XYLT1: variants seen among roughly 807,000 people sequenced by gnomAD.
XYLT1 encodes xylosyltransferase 1, also known as beta-D-xylosyltransferase 1.
XYLT1 carries 36 observed loss-of-function variants against 91.3 expected under a neutral mutation model. That is an observed-to-expected ratio of 0.39 (90% confidence interval 0.30 to 0.52). XYLT1 has a LOEUF of 0.52. Among genes scored for constraint, XYLT1 ranks in the 20% least tolerant of loss-of-function variants. The pLI is 0.68. For synonymous variants in XYLT1, 588 were observed against 532.0 expected, an observed-to-expected ratio of 1.11 and a Z score of -1.45; for missense variants, 1,242 against 1,284.5, an observed-to-expected ratio of 0.97 and a Z score of 0.51.
chr16:17,322,847 G>A (rs1486286210), intron 2 of XYLT1, among the ~76,000 whole-genome samples: 2 of 152,194 alleles, frequency 1.3e-5, no homozygotes, highest in African/African-American at 2.4e-5. Flanking sequence ...TAGACTCCAT[G>A]CAGACAGGAA....
chr16:17,127,744 C>T lies in XYLT1; in HGVS notation c.2145G>A (p.Leu715=), dbSNP rs755578526. ...TNLAVSKLET[L]ETWVMPKKVF... ...CTTTTTTCGGCATCACCCAGGTCTCCAGAGTCTCTAGTTTGCTCACAGCCA... is the reference window on the plus strand; with the variant it reads ...CTTTTTTCGGCATCACCCAGGTCTCTAGAGTCTCTAGTTTGCTCACAGCCA... The change falls in exon 10 of 12, where the codon CTG becomes CTA. Residue 715 remains leucine (L), a synonymous_variant. Transcript: ENST00000261381. The T allele has an allele frequency of 7.4e-6, 12 of 1,614,204 alleles. 1 individual carries two copies. The East Asian group carries it at 1.8e-4, about 24-fold the overall frequency.
chr16:17,445,476 C>T (rs1349931523), intron 1 of XYLT1, among the ~76,000 whole-genome samples: 3 of 152,228 alleles, frequency 2.0e-5, no homozygotes, highest in Admixed American at 6.5e-5. Context: ...AAGAAGTCAC[C>T]AGAAAGGAAG....
chr16:17,402,376 G>A (rs1041009358), intron 1 of XYLT1, among the ~76,000 whole-genome samples: 7 of 152,116 alleles, frequency 4.6e-5, no homozygotes, highest in South Asian at 2.1e-4. Context: ...TGAAAAAGAC[G>A]AAGTGTACAC....
At chr16:17,219,831 C>T (rs2032934168) in intron 3 of XYLT1, among the ~76,000 whole-genome samples, 1 of 152,026 alleles carries the variant, frequency 6.6e-6, no homozygotes, top group Admixed American at 6.6e-5. Context: ...GAGTTCGAGA[C>T]CAGCCTGATC....
chr16:17,465,143 C>CAAAAAAAA (rs35623153), intron 1 of XYLT1, among the ~76,000 whole-genome samples: 1 of 35,866 alleles, frequency 2.8e-5, no homozygotes, highest in Non-Finnish European at 4.5e-5. Context: ...GATGCTGTCT[C>CAAAAAAAA]AAAAAAAAAA....
chr16:17,264,592 C>A (rs761095583), intron 2 of XYLT1, among the ~76,000 whole-genome samples: 10 of 152,128 alleles, frequency 6.6e-5, no homozygotes, highest in Non-Finnish European at 1.3e-4. Flanking sequence ...AAAGCCAAAC[C>A]CAGGATCCCT....
At chr16:17,320,646 A>AT (rs199636999) in intron 2 of XYLT1, among the ~76,000 whole-genome samples, 2,182 of 151,054 alleles carry the variant, frequency 0.014, 56 homozygotes, top group African/African-American at 0.051. Context: ...CACCCAGCTA[A>AT]TTTTTTTGTA....
intron 2 of XYLT1, among the ~76,000 whole-genome samples, chr16:17,262,142 G>A (rs569277342): frequency 1.3e-5 from 2 of 152,122 alleles, no homozygotes; most frequent in African/African-American, 2.4e-5. Flanking sequence ...CTGACAATTG[G>A]ATGTATTTAT....
intron 2 of XYLT1, among the ~76,000 whole-genome samples, chr16:17,349,105 G>T (rs1018014828): frequency 6.6e-6 from 1 of 152,176 alleles, no homozygotes; most frequent in South Asian, 2.1e-4. Context: ...CCTCCTCAAG[G>T]TGCCACTGCT....
At chr16:17,161,138 G>C (rs2031540147) in intron 5 of XYLT1, among the ~76,000 whole-genome samples, 1 of 152,220 alleles carries the variant, frequency 6.6e-6, no homozygotes, top group South Asian at 2.1e-4. Flanking sequence ...AGTTCCATTT[G>C]GCAATCCCAG....
rs376022471 is a variant in XYLT1, at chr16:17,165,818, CAT to C, written c.1290-6911_1290-6910del. On this transcript the variant is annotated intron_variant, in intron 5 of 11. Transcript: ENST00000261381. ...ACACCCTTGAATAACTATCTTTTCA[CAT>C]GTGGGCATGATAGGTTTCTGTAGGA... is the stretch of plus-strand genomic sequence containing the variant. 5.6e-3 allele frequency among the ~76,000 whole-genome samples: 851 copies of C among 152,362 alleles called. 5 individuals carry two copies. The highest frequency in any genetic ancestry group is 0.019 in the African/African-American group (791 of 41,582).
intron 3 of XYLT1, among the ~76,000 whole-genome samples, chr16:17,217,672 A>T (rs934000789): frequency 6.6e-6 from 1 of 152,220 alleles, no homozygotes; most frequent in African/African-American, 2.4e-5. Context: ...GTATTCAAGG[A>T]GCTGACAGTC....
At chr16:17,298,202 G>A (rs535956078) in intron 2 of XYLT1, among the ~76,000 whole-genome samples, 67 of 152,200 alleles carry the variant, frequency 4.4e-4, no homozygotes, top group Middle Eastern at 3.4e-3. Context: ...AATCGGTTCC[G>A]TCAGGTGACA....
At chr16:17,446,075 G>A (rs1256655111) in intron 1 of XYLT1, 1 of 152,122 alleles carries the variant, frequency 6.6e-6, no homozygotes, top group South Asian at 2.1e-4. Context: ...AGAAAAGCTC[G>A]TCAGGCTTGA....
At position 17,325,270 on chromosome 16, in the gene XYLT1, G is replaced by A. The variant is rs750679343; in HGVS notation, c.402+32742C>T. Among the ~76,000 whole-genome samples, 3 of 152,090 alleles carry A rather than the reference G, an allele frequency of 2.0e-5. 1 individual carries two copies. The highest frequency in any genetic ancestry group is 4.1e-4 in the South Asian group (2 of 4,824). On this transcript the variant is annotated intron_variant, in intron 2 of 11. Transcript: ENST00000261381. ...AAAAAATTAGCTGGGCATAGGTGGCGTGCGCCTGTAATCCCAGCTACTTGG... is the reference window on the plus strand; with the variant it reads ...AAAAAATTAGCTGGGCATAGGTGGCATGCGCCTGTAATCCCAGCTACTTGG...
chr16:17,130,253 G>T (rs115205400), intron 9 of XYLT1, among the ~76,000 whole-genome samples: 1 of 152,222 alleles, frequency 6.6e-6, no homozygotes. Flanking sequence ...GCTGATCTGC[G>T]AACTTGAGCA....
intron 1 of XYLT1, among the ~76,000 whole-genome samples, chr16:17,431,566 C>G (rs1318743749): frequency 6.6e-6 from 1 of 152,200 alleles, no homozygotes. Context: ...TTAAGTGTAT[C>G]TTCAGAAGGG....
At chr16:17,126,411 A>C (rs1597136243) in intron 10 of XYLT1, among the ~76,000 whole-genome samples, 1 of 152,202 alleles carries the variant, frequency 6.6e-6, no homozygotes, top group South Asian at 2.1e-4. Context: ...CCCTGATGCC[A>C]GTAATTTATG....
chr16:17,434,837 T>C (rs1028821176), intron 1 of XYLT1, among the ~76,000 whole-genome samples: 2 of 150,816 alleles, frequency 1.3e-5, no homozygotes, highest in Admixed American at 1.3e-4. Flanking sequence ...CACTGCACTC[T>C]AGCTTGGGCA....
Sources: gnomAD v4.1 joint callset for allele counts (sites outside exome capture counted in the v4.1 genomes callset) on GRCh38, gnomAD v4.1.1 for gene constraint, MANE v1.5 for transcripts, NCBI Gene and HGNC (gene_info 2026-07-23, HGNC 2026-07-21) for gene names.